SORT1: variants seen among roughly 807,000 people sequenced by gnomAD.
The protein encoded by SORT1 is sortilin 1, also known as sortilin.
In SORT1, 39 loss-of-function variants were observed where a neutral mutation model predicts 101.7. The ratio of observed to expected loss-of-function variants is 0.38; its 90% CI spans 0.30 to 0.50. The LOEUF (loss-of-function observed/expected upper bound fraction) is 0.50. Among genes scored for constraint, SORT1 ranks in the 20% least tolerant of loss-of-function variants. SORT1 has a pLI of 0.90. For missense variants in SORT1, 878 were observed against 1,040.4 expected, an observed-to-expected ratio of 0.84 and a Z score of 2.15; for synonymous variants, 396 against 393.7, an observed-to-expected ratio of 1.01 and a Z score of -0.07.
intron 7 of SORT1, among the ~76,000 whole-genome samples, chr1:109,346,546 C>T (rs1239938288): frequency 1.3e-5 from 2 of 151,818 alleles, no homozygotes; most frequent in Non-Finnish European, 2.9e-5. Flanking sequence ...GAGTTCAAGA[C>T]CACCCTGGCT....
chr1:109,396,341 G>A (rs1196623560), intron 1 of SORT1, among the ~76,000 whole-genome samples: 1 of 152,130 alleles, frequency 6.6e-6, no homozygotes, highest in African/African-American at 2.4e-5. Flanking sequence ...TTAAGCATTA[G>A]TGTTGTAAAG....
intron 1 of SORT1, among the ~76,000 whole-genome samples, chr1:109,385,119 A>G (rs117574363): frequency 6.6e-6 from 1 of 151,432 alleles, no homozygotes; most frequent in African/African-American, 2.4e-5. Flanking sequence ...ATAGGACCAA[A>G]CTCTCTCCCT....
At chr1:109,360,641 T>C (rs1432607502) in intron 3 of SORT1, among the ~76,000 whole-genome samples, 1 of 151,996 alleles carries the variant, frequency 6.6e-6, no homozygotes, top group African/African-American at 2.4e-5. Flanking sequence ...CTGGCCTAGA[T>C]ATTAAAGCTT....
chr1:109,315,989 G>A (rs1375109751), intron 17 of SORT1, among the ~76,000 whole-genome samples: 2 of 151,724 alleles, frequency 1.3e-5, no homozygotes, highest in Non-Finnish European at 2.9e-5. Flanking sequence ...CCAATTCATA[G>A]CCTCAACTGA....
At chr1:109,360,667 T>C (rs1171821258) in intron 3 of SORT1, among the ~76,000 whole-genome samples, 1 of 152,134 alleles carries the variant, frequency 6.6e-6, no homozygotes, top group Non-Finnish European at 1.5e-5. Context: ...CAATTCTCTT[T>C]GGCTCTATGC....
intron 15 of SORT1, among the ~76,000 whole-genome samples, chr1:109,320,406 T>C (rs1647543256): frequency 6.6e-6 from 1 of 152,166 alleles, no homozygotes; most frequent in African/African-American, 2.4e-5. Context: ...CAGTGGAAAA[T>C]TTAGCCTGAG....
intron 1 of SORT1, among the ~76,000 whole-genome samples, chr1:109,374,844 A>G (rs1651720278): frequency 6.6e-6 from 1 of 152,220 alleles, no homozygotes; most frequent in African/African-American, 2.4e-5. Flanking sequence ...CTGTAGTCCC[A>G]GCTACTCAGA....
At chr1:109,364,730 G>C (rs946472410) in intron 3 of SORT1, among the ~76,000 whole-genome samples, 3 of 152,150 alleles carry the variant, frequency 2.0e-5, no homozygotes, top group Non-Finnish European at 2.9e-5. Context: ...CTGCCTGAAG[G>C]CTTCAAATTC....
intron 6 of SORT1, 142 bp downstream of exon 6, chr1:109,350,787 C>T: frequency 1.5e-6 from 1 of 661,386 alleles, no homozygotes; most frequent in Non-Finnish European, 2.8e-6. Context: ...AGGCCTGTGT[C>T]ACACCCCTCT....
At chr1:109,345,962 A>G in intron 7 of SORT1, 81 bp from the exon 8 acceptor site, 1 of 1,185,466 alleles carries the variant, frequency 8.4e-7, no homozygotes, top group African/African-American at 1.5e-5. Context: ...ATCAATCTTA[A>G]TTTTATAGCT....
chr1:109,395,450 A>G (rs1334199901), intron 1 of SORT1, among the ~76,000 whole-genome samples: 1 of 151,894 alleles, frequency 6.6e-6, no homozygotes, highest in African/African-American at 2.4e-5. Flanking sequence ...TGAACTTCTG[A>G]CCTCAAGTGA....
rs1401643913 is a variant in SORT1 at position 109,314,700 on chromosome 1, T to G, written c.2329A>C (p.Ile777Leu). 2 of 1,607,416 alleles carry G rather than the reference T, an allele frequency of 1.2e-6. No individual in the cohort carries two copies. The highest frequency in any genetic ancestry group is 2.2e-5 in the South Asian group (2 of 90,946). ...MLVTVVAGVL[I>L]VKKYVCGGRF... Reference sequence around the variant, plus strand: ...CCCCCACAGACATATTTCTTCACAATGAGCACTCCTGCTACGACTGTGACC... The same window carrying G: ...CCCCCACAGACATATTTCTTCACAAGGAGCACTCCTGCTACGACTGTGACC... The change falls in exon 18 of 20, where the codon ATT becomes CTT. Residue 777 changes from isoleucine (I) to leucine (L), a missense_variant. Ile to Leu is a conservative substitution (Grantham distance 5). Around this residue, in one of 2 missense-constraint regions of SORT1, gnomAD observed 684 missense variants for 894.5 expected, o/e 0.76. Transcript: ENST00000256637.
At chr1:109,361,717 T>C (rs146971746) in intron 3 of SORT1, among the ~76,000 whole-genome samples, 42 of 152,348 alleles carry the variant, frequency 2.8e-4, no homozygotes, top group African/African-American at 9.9e-4. Flanking sequence ...ATCTTCATTA[T>C]TCATGGATTC....
At chr1:109,337,050 G>A (rs763411469) in intron 10 of SORT1, among the ~76,000 whole-genome samples, 7 of 152,044 alleles carry the variant, frequency 4.6e-5, no homozygotes, top group Non-Finnish European at 8.8e-5. Context: ...TTGTTTTAGG[G>A]ACTCTTGAGA....
chr1:109,395,130 C>CTT (rs1011636329), intron 1 of SORT1, among the ~76,000 whole-genome samples: 6 of 127,972 alleles, frequency 4.7e-5, no homozygotes, highest in South Asian at 2.5e-4. Context: ...AAAGGCTCCA[C>CTT]TTTTTTTTTT....
At chr1:109,316,240 C>G (rs543211522) in intron 17 of SORT1, among the ~76,000 whole-genome samples, 1 of 150,834 alleles carries the variant, frequency 6.6e-6, no homozygotes, top group Non-Finnish European at 1.5e-5. Context: ...TTTTTTGGTA[C>G]GGAGTCTTGC....
chr1:109,353,328 CAAAAAAAAAAAA>C (rs1228771965), intron 5 of SORT1, among the ~76,000 whole-genome samples: 2 of 61,056 alleles, frequency 3.3e-5, no homozygotes, highest in Admixed American at 3.3e-4. Context: ...AACTCTGTCT[CAAAAAAAAAAAA>C]AAAAAAAAAA....
intron 3 of SORT1, among the ~76,000 whole-genome samples, chr1:109,362,321 C>T (rs1222406333): frequency 6.6e-6 from 1 of 152,144 alleles, no homozygotes; most frequent in Admixed American, 6.5e-5. Flanking sequence ...ATTCAATATT[C>T]ATGACAACTT....
chr1:109,365,366 G>A (rs1651010814), intron 3 of SORT1, among the ~76,000 whole-genome samples: 1 of 152,206 alleles, frequency 6.6e-6, no homozygotes, highest in Non-Finnish European at 1.5e-5. Context: ...GGGACCACAG[G>A]TGTGTGACAC....
Sources: allele counts gnomAD v4.1 joint callset (sites outside exome capture counted in the v4.1 genomes callset), GRCh38; gene constraint gnomAD v4.1.1; regional missense constraint gnomAD v4.1.1; transcripts MANE v1.5; gene names NCBI Gene and HGNC (gene_info 2026-07-23, HGNC 2026-07-21).